NEK1: variants seen among roughly 807,000 people sequenced by gnomAD.
NEK1 encodes the protein serine/threonine-protein kinase Nek1.
NEK1 carries 137 observed loss-of-function variants against 182.1 expected under a neutral mutation model. That is an observed-to-expected ratio of 0.75 (90% confidence interval 0.65 to 0.87). The LOEUF is 0.87. Among genes scored for constraint, NEK1 ranks in the 40% least tolerant of loss-of-function variants. The probability of loss-of-function intolerance (pLI) is 0.00; values close to 1 mark genes in which losing one functional copy is unlikely to be tolerated. For missense variants in NEK1, 1,391 were observed against 1,494.4 expected (o/e 0.93, Z 1.14); for synonymous variants, 513 against 492.2 (o/e 1.04, Z -0.56).
At chr4:169,442,996 C>A (rs1459711203) in intron 27 of NEK1, among the ~76,000 whole-genome samples, 2 of 152,064 alleles carry the variant, frequency 1.3e-5, no homozygotes, top group Non-Finnish European at 2.9e-5. Flanking sequence ...ATGATTGCAC[C>A]AATGTACTCT....
intron 2 of NEK1, among the ~76,000 whole-genome samples, chr4:169,607,497 C>T (rs2150158615): frequency 6.6e-6 from 1 of 152,130 alleles, no homozygotes; most frequent in East Asian, 1.9e-4. Context: ...GAGTCTCGCA[C>T]TGTTGCCCAG....
intron 19 of NEK1, among the ~76,000 whole-genome samples, chr4:169,533,706 C>T (rs1758020136): frequency 6.6e-6 from 1 of 152,094 alleles, no homozygotes; most frequent in Non-Finnish European, 1.5e-5. Context: ...AACATCAGGC[C>T]TAGAAATCCT....
chr4:169,482,704 C>T (rs922223151), intron 23 of NEK1, among the ~76,000 whole-genome samples: 4 of 151,736 alleles, frequency 2.6e-5, no homozygotes, highest in African/African-American at 7.3e-5. Flanking sequence ...GGTGCAATGG[C>T]TCAGTGAAAC....
chr4:169,406,488 A>C (rs755031526), intron 32 of NEK1, 108 bp downstream of exon 32: 32 of 709,304 alleles, frequency 4.5e-5, no homozygotes, highest in Non-Finnish European at 6.6e-5. Context: ...AAGACATAAA[A>C]GCAGAGGTTA....
chr4:169,588,599 CA>C, intron 8 of NEK1, 49 bp downstream of exon 8: 9 of 1,143,634 alleles, frequency 7.9e-6, no homozygotes, highest in South Asian at 1.4e-5. Flanking sequence ...AACATGACAA[CA>C]AAAAAATTGA....
intron 33 of NEK1, among the ~76,000 whole-genome samples, 161 bp downstream of exon 33, chr4:169,401,491 T>C (rs1339645632): frequency 6.6e-6 from 1 of 152,038 alleles, no homozygotes; most frequent in African/African-American, 2.4e-5. Flanking sequence ...ATCACACATT[T>C]GTATGAAAAG....
At chr4:169,580,772 A>G (rs1040530756) in intron 11 of NEK1, 70 bp downstream of exon 11, 3 of 884,420 alleles carry the variant, frequency 3.4e-6, no homozygotes, top group Admixed American at 2.1e-5. Context: ...CTACATCTAC[A>G]TATATTTCCA....
intron 31 of NEK1, among the ~76,000 whole-genome samples, chr4:169,419,501 C>A (rs1735108225): frequency 6.6e-6 from 1 of 152,030 alleles, no homozygotes; most frequent in Non-Finnish European, 1.5e-5. Flanking sequence ...TTTCTGACTT[C>A]TGTAAAAGAT....
chr4:169,450,498 A>G (rs2149463900), intron 27 of NEK1, among the ~76,000 whole-genome samples: 1 of 152,352 alleles, frequency 6.6e-6, no homozygotes, highest in South Asian at 2.1e-4. Flanking sequence ...AAATCCTACA[A>G]GCCAGAAGAC....
intron 12 of NEK1, among the ~76,000 whole-genome samples, chr4:169,571,228 T>C (rs1439639973): frequency 1.5e-5 from 2 of 137,494 alleles, no homozygotes; most frequent in Non-Finnish European, 3.2e-5. Flanking sequence ...ATAAAAAGAA[T>C]AAAAGCTTAG....
chr4:169,412,128 T>C (rs923667329), intron 31 of NEK1, among the ~76,000 whole-genome samples: 2 of 152,220 alleles, frequency 1.3e-5, no homozygotes, highest in African/African-American at 2.4e-5. Flanking sequence ...ACCTGGCACA[T>C]AGCAGATATT....
intron 31 of NEK1, among the ~76,000 whole-genome samples, chr4:169,409,866 G>A (rs1162987419): frequency 1.3e-5 from 2 of 152,156 alleles, no homozygotes; most frequent in African/African-American, 4.8e-5. Flanking sequence ...GATGATTAGT[G>A]ATGTTGAGCA....
chr4:169,560,456 A>G (rs1347968365), intron 16 of NEK1, among the ~76,000 whole-genome samples: 1 of 152,182 alleles, frequency 6.6e-6, no homozygotes, highest in African/African-American at 2.4e-5. Context: ...GCTATGAAGG[A>G]GTCTTATATG....
At chr4:169,566,965 T>G (rs1243362802) in intron 12 of NEK1, among the ~76,000 whole-genome samples, 1 of 151,942 alleles carries the variant, frequency 6.6e-6, no homozygotes, top group African/African-American at 2.4e-5. Context: ...TGTGGTAGTA[T>G]GCACATGTAG....
intron 23 of NEK1, among the ~76,000 whole-genome samples, chr4:169,500,169 G>A (rs571140129): frequency 2.2e-4 from 33 of 152,320 alleles, no homozygotes; most frequent in African/African-American, 7.2e-4. Context: ...AGCAATGAGC[G>A]AGGCTCCGTG....
At chr4:169,570,775 T>C (rs1188794166) in intron 12 of NEK1, among the ~76,000 whole-genome samples, 1 of 152,194 alleles carries the variant, frequency 6.6e-6, no homozygotes, top group African/African-American at 2.4e-5. Context: ...ATCGGATGGT[T>C]GCCGTGTCTG....
chr4:169,506,823 A>G, intron 23 of NEK1: 1 of 278,438 alleles, frequency 3.6e-6, no homozygotes, highest in Non-Finnish European at 6.6e-6. Flanking sequence ...CTTCAAATCA[A>G]TCTCCCAAAT....
chr4:169,419,561 C>T (rs758075843), intron 31 of NEK1, among the ~76,000 whole-genome samples: 6 of 152,188 alleles, frequency 3.9e-5, no homozygotes, highest in African/African-American at 9.6e-5. Context: ...GAATTTATAA[C>T]GTGGTAGAAA....
In NEK1 at chr4:169,612,527, G is replaced by A. The variant is rs1372812701; in HGVS notation, c.-478C>T. 6.6e-6 allele frequency: 1 copy of A among 152,310 alleles called. No homozygotes were observed. The highest frequency in any genetic ancestry group is 1.5e-5 in the Non-Finnish European group (1 of 68,222). The allele number at this position is 152,310 out of a possible 1,614,324, so 9.4% of individuals were successfully genotyped here. On this transcript the variant is annotated 5_prime_UTR_variant, in exon 1 of 36. Transcript: ENST00000507142. ...GAGTTATGGGGACAACTGCTCGAGA[G>A]GCCAGGGTAGGGTAAGGACTCCGCA...
Sources: allele counts gnomAD v4.1 joint callset (sites outside exome capture counted in the v4.1 genomes callset), GRCh38; gene constraint gnomAD v4.1.1; transcripts MANE v1.5; gene names NCBI Gene and HGNC (gene_info 2026-07-23, HGNC 2026-07-21).